Variants in HPS3 observed in about 807,000 individuals in gnomAD.
The protein encoded by HPS3 is HPS3 biogenesis of lysosomal organelles complex 2 subunit 1.
HPS3 carries 79 observed loss-of-function variants against 110.9 expected under a neutral mutation model. The observed-to-expected ratio is 0.71, with a 90% CI of 0.59 to 0.86. The LOEUF (loss-of-function observed/expected upper bound fraction) is 0.86, where lower values mean the gene tolerates loss of function less well. Among genes scored for constraint, HPS3 ranks in the 40% least tolerant of loss-of-function variants. The pLI is 0.00. For missense variants in HPS3, 1,197 were observed against 1,206.2 expected (o/e 0.99, Z 0.11); for synonymous variants, 428 against 451.0 (o/e 0.95, Z 0.65).
At chr3:149,152,637 C>G (rs1723203630) in intron 6 of HPS3, among the ~76,000 whole-genome samples, 1 of 152,218 alleles carries the variant, frequency 6.6e-6, no homozygotes, top group South Asian at 2.1e-4. Context: ...TTCACAACCT[C>G]AAGAGTCTGG....
At chr3:149,156,465 G>T (rs6785780) in intron 8 of HPS3, among the ~76,000 whole-genome samples, 67,748 of 151,896 alleles carry the variant, frequency 0.45, 15,230 homozygotes, top group South Asian at 0.51. Flanking sequence ...CTCCTTTGAA[G>T]CTGGAATATT....
At chr3:149,145,599 T>G in intron 5 of HPS3, 53 bp downstream of exon 5, 1 of 1,386,050 alleles carries the variant, frequency 7.2e-7, no homozygotes, top group Non-Finnish European at 1.0e-6. Context: ...TGTAAATTTT[T>G]GAGGTACTTC....
In HPS3 at chr3:149,129,657, C is replaced by G; in HGVS notation, c.-67C>G. 1 of 1,245,560 alleles carries G rather than the reference C, an allele frequency of 8.0e-7. No individual in the cohort carries two copies. Among genetic ancestry groups the G allele is most frequent in the Non-Finnish European group, 1.1e-6 (1 of 927,890 alleles). 77.2% of individuals were successfully genotyped at this position (1,245,560 alleles called of 1,614,324 possible). A position where few individuals can be genotyped will look rare whatever the true frequency, so the allele number is the denominator to read the frequency against. On this transcript the variant is annotated 5_prime_UTR_variant, in exon 1 of 17. Transcript: ENST00000296051. The stretch of plus-strand genomic sequence containing the variant: ...GCTCGCGGAAGTAGTCCTACATTCG[C>G]GGTCAGCGCGGGGTCTCCGGGCGCC...
At chr3:149,158,089 T>C (rs1362067943) in intron 9 of HPS3, among the ~76,000 whole-genome samples, 1 of 152,084 alleles carries the variant, frequency 6.6e-6, no homozygotes, top group African/African-American at 2.4e-5. Flanking sequence ...TTGGACAGTC[T>C]GTGATTTTGA....
rs187643120 is a variant in HPS3, at chr3:149,150,266, A to G, written c.1164-333A>G. ...TACTGGGGGCATCATTTGTCTGTAA[A>G]ATGAAGATACTGACCCAGATCCATG... On this transcript the variant is annotated intron_variant, in intron 5 of 16. Transcript: ENST00000296051. Among the ~76,000 whole-genome samples, 84 of 152,266 alleles carry G rather than the reference A, an allele frequency of 5.5e-4. No individual in the cohort carries two copies. In the East Asian group the frequency reaches 0.015, roughly 27 times the overall value.
intron 4 of HPS3, among the ~76,000 whole-genome samples, chr3:149,143,437 C>G (rs1722606288): frequency 6.6e-6 from 1 of 152,180 alleles, no homozygotes; most frequent in African/African-American, 2.4e-5. Flanking sequence ...CCCTTCTCCA[C>G]TCACACTGGA....
At position 149,167,228 on chromosome 3, in the gene HPS3, A is replaced by G. The variant is rs1211218208; in HGVS notation, c.2784A>G (p.Lys928=). 4.3e-6 allele frequency: 7 copies of G among 1,612,804 alleles called. No individual in the cohort carries two copies. The highest frequency in any genetic ancestry group is 5.9e-6 in the Non-Finnish European group (7 of 1,179,130). The change falls in exon 15 of 17, where the codon AAA becomes AAG. Residue 928 remains lysine, a synonymous_variant. Coordinates refer to ENST00000296051, the MANE Select transcript of HPS3 (RefSeq NM_032383.5). ...TTCCATATGCTAATCATGAACTGAA[A>G]GAAGAGAACCGGGTATGCTTTTTCA... is the stretch of plus-strand genomic sequence containing the variant. ...AVIPYANHEL[K]EENRTLWWKK...
rs761310586 is a variant in HPS3, at chr3:149,167,111, C to T, written c.2667C>T (p.Ala889=). ...FLEPLSEDTI[A]GLSVHVLCRT... is the part of the protein sequence containing the mutation. ...AGCCACTTTCAGAAGACACTATTGC[C>T]GGCCTCAGTGTCCATGTTCTGTGTC... The change falls in exon 15 of 17, where the codon GCC becomes GCT. Residue 889 remains alanine, a synonymous_variant. Coordinates refer to ENST00000296051, the MANE Select transcript of HPS3 (RefSeq NM_032383.5). 3.0e-5 allele frequency: 48 copies of T among 1,613,690 alleles called. No homozygotes were observed. Among genetic ancestry groups the T allele is most frequent in the Middle Eastern group, 3.3e-4 (2 of 6,078 alleles).
chr3:149,157,635 G>A (rs1723539055), intron 9 of HPS3, 104 bp downstream of exon 9: 2 of 1,025,506 alleles, frequency 2.0e-6, no homozygotes, highest in Admixed American at 3.7e-5. Flanking sequence ...TGGGAAGGTG[G>A]TTCATTTATT....
intron 5 of HPS3, among the ~76,000 whole-genome samples, chr3:149,149,560 A>G (rs932504994): frequency 6.6e-6 from 1 of 152,130 alleles, no homozygotes; most frequent in African/African-American, 2.4e-5. Context: ...AAATTGTGCT[A>G]AGCCTCCTAA....
intron 6 of HPS3, 70 bp downstream of exon 6, chr3:149,150,750 G>T (rs1199203098): frequency 9.8e-6 from 12 of 1,224,760 alleles, no homozygotes; most frequent in East Asian, 4.6e-5. Flanking sequence ...TCGTAGATTT[G>T]CTCTCAGACC....
intron 1 of HPS3, among the ~76,000 whole-genome samples, chr3:149,139,409 A>T (rs1022679322): frequency 3.3e-5 from 5 of 152,138 alleles, no homozygotes; most frequent in African/African-American, 9.7e-5. Context: ...CTCAAGGGGG[A>T]GATCATTATG....
Position 149,158,646 on chromosome 3 carries a change from T to G in HPS3, c.1692-20T>G. ...TTAAAAAAGTGACAAATTTGAGGTT[T>G]TTCATTTCCTTCCCTTTAGGCTTGA... is the stretch of plus-strand genomic sequence containing the variant. On this transcript the variant is annotated intron_variant, in intron 9 of 16. Coordinates refer to ENST00000296051, the MANE Select transcript of HPS3 (RefSeq NM_032383.5). The G allele has an allele frequency of 6.2e-7, 1 of 1,611,484 alleles. No individual in the cohort carries two copies. The highest frequency in any genetic ancestry group is 8.5e-7 in the Non-Finnish European group (1 of 1,177,796).
At chr3:149,152,194 T>C (rs1311030507) in intron 6 of HPS3, among the ~76,000 whole-genome samples, 2 of 152,124 alleles carry the variant, frequency 1.3e-5, no homozygotes, top group African/African-American at 2.4e-5. Context: ...TTTGTAAAAA[T>C]AGAAAAGTAA....
At chr3:149,168,039 G>A (rs1007223416) in intron 16 of HPS3, 56 bp downstream of exon 16, 1 of 1,020,524 alleles carries the variant, frequency 9.8e-7, no homozygotes, top group South Asian at 1.3e-5. Flanking sequence ...TTTAAATTTG[G>A]TGAAGCCTTC....
intron 5 of HPS3, among the ~76,000 whole-genome samples, chr3:149,149,822 G>A (rs527944885): frequency 1.2e-4 from 19 of 152,078 alleles, no homozygotes; most frequent in Non-Finnish European, 8.8e-5. Context: ...GTCAATATTC[G>A]AGGGTTGACC....
intron 14 of HPS3, 142 bp downstream of exon 14, chr3:149,164,091 G>C (rs920973458): frequency 6.8e-6 from 4 of 588,032 alleles, no homozygotes; most frequent in Non-Finnish European, 1.2e-5. Flanking sequence ...ATACTCAGGA[G>C]ACTTGGAGGG....
In HPS3 at chr3:149,167,115, C is replaced by T. The variant is rs1446775566; in HGVS notation, c.2671C>T (p.Leu891Phe). ...ACTTTCAGAAGACACTATTGCCGGCCTCAGTGTCCATGTTCTGTGTCGTAC... is the reference window on the plus strand; with the variant it reads ...ACTTTCAGAAGACACTATTGCCGGCTTCAGTGTCCATGTTCTGTGTCGTAC... ...EPLSEDTIAGLSVHVLCRTRL... is the reference protein window; with the variant it reads ...EPLSEDTIAGFSVHVLCRTRL... The change falls in exon 15 of 17, where the codon CTC (leucine) becomes TTC (phenylalanine). Residue 891 changes from leucine (L) to phenylalanine (F), a missense_variant. Transcript: ENST00000296051. 9 of 1,613,560 alleles carry T rather than the reference C, an allele frequency of 5.6e-6. No individual in the cohort carries two copies. Among genetic ancestry groups the T allele is most frequent in the Non-Finnish European group, 6.8e-6 (8 of 1,179,504 alleles).
At chr3:149,165,665 A>G (rs964048595) in intron 14 of HPS3, among the ~76,000 whole-genome samples, 1 of 152,114 alleles carries the variant, frequency 6.6e-6, no homozygotes, top group African/African-American at 2.4e-5. Flanking sequence ...TCTTGATTAC[A>G]TGGATAAAAC....
Sources: gnomAD v4.1 joint callset for allele counts (sites outside exome capture counted in the v4.1 genomes callset) on GRCh38, gnomAD v4.1.1 for gene constraint, MANE v1.5 for transcripts, NCBI Gene and HGNC (gene_info 2026-07-23, HGNC 2026-07-21) for gene names.